The following NAP1L4 variants were observed in gnomAD, a reference collection of about 807,000 sequenced individuals.
NAP1L4 encodes nucleosome assembly protein 1 like 4.
NAP1L4 carries 15 observed loss-of-function variants against 58.2 expected under a neutral mutation model. That is an observed-to-expected ratio of 0.26 (90% CI 0.17 to 0.40). The LOEUF (loss-of-function observed/expected upper bound fraction) is 0.40. Among genes scored for constraint, NAP1L4 ranks in the 10% least tolerant of loss-of-function variants. The pLI is 1.00. For synonymous variants in NAP1L4, 171 were observed against 155.6 expected, an observed-to-expected ratio of 1.10 and a Z score of -0.74; for missense variants, 384 against 451.1, an observed-to-expected ratio of 0.85 and a Z score of 1.35.
intron 1 of NAP1L4, among the ~76,000 whole-genome samples, chr11:2,979,440 C>T (rs946920649): frequency 6.6e-6 from 1 of 152,184 alleles, no homozygotes; most frequent in Admixed American, 6.5e-5. Flanking sequence ...CTATACACTT[C>T]AGATCTGTGC....
Position 2,951,304 on chromosome 11 carries a change from A to T in NAP1L4, c.1077T>A (p.Gly359=), listed in dbSNP as rs1192745307. 6.2e-7 allele frequency: 1 copy of T among 1,613,958 alleles called. No individual in the cohort carries two copies. The highest frequency in any genetic ancestry group is 1.1e-5 in the South Asian group (1 of 91,064). Reference sequence around the variant, plus strand: ...CATCCTCGTCTTCTCCCTCCTCGTCACCTTCTAATTCCTGTATTTAAAAAG... The same window carrying T: ...CATCCTCGTCTTCTCCCTCCTCGTCTCCTTCTAATTCCTGTATTTAAAAAG... ...GEEGEEEELE[G]DEEGEDEDDA... The change falls in exon 14 of 16, where the codon GGT becomes GGA. Residue 359 remains glycine, a synonymous_variant. Coordinates refer to ENST00000380542, the MANE Select transcript of NAP1L4 (RefSeq NM_005969.4). The surrounding 1 kb of genome is among the most constrained non-coding windows in gnomAD (Gnocchi z 4.0).
chr11:2,954,849 A>C lies in NAP1L4; in HGVS notation c.916-203T>G. On this transcript the variant is annotated intron_variant, in intron 11 of 15. Coordinates refer to ENST00000380542, the MANE Select transcript of NAP1L4 (RefSeq NM_005969.4). The surrounding 1 kb of genome is among the most constrained non-coding windows in gnomAD (Gnocchi z 4.8). ...AGCTTTAAAGAGCTACTGAAGCAAAATGGCAGAGAAAGTGGGAAGTGAGGG... is the reference window on the plus strand; with the variant it reads ...AGCTTTAAAGAGCTACTGAAGCAAACTGGCAGAGAAAGTGGGAAGTGAGGG... The C allele has an allele frequency of 3.2e-6, 2 of 623,488 alleles. No homozygotes were observed. Among genetic ancestry groups the C allele is most frequent in the Non-Finnish European group, 5.6e-6 (2 of 359,868 alleles). The allele number at this position is 623,488 out of a possible 1,614,324, so 38.6% of individuals were successfully genotyped here.
chr11:2,960,775 T>C (rs1029979245), intron 8 of NAP1L4, among the ~76,000 whole-genome samples: 2 of 152,172 alleles, frequency 1.3e-5, no homozygotes, highest in Non-Finnish European at 2.9e-5. Context: ...TTGAGAAAAA[T>C]ACCTGGATGG....
intron 4 of NAP1L4, among the ~76,000 whole-genome samples, chr11:2,973,601 C>T (rs1847772680): frequency 6.6e-6 from 1 of 152,154 alleles, no homozygotes; most frequent in African/African-American, 2.4e-5. Flanking sequence ...TGAAATACAA[C>T]CACAGCTACC....
chr11:2,980,677 C>T (rs1054927487), intron 1 of NAP1L4, among the ~76,000 whole-genome samples: 2 of 152,100 alleles, frequency 1.3e-5, no homozygotes, highest in Non-Finnish European at 2.9e-5. Context: ...TTCTTCAGTA[C>T]CTGAGCAAAG....
intron 7 of NAP1L4, among the ~76,000 whole-genome samples, chr11:2,968,944 G>C (rs1281099117): frequency 6.6e-6 from 1 of 150,958 alleles, no homozygotes. Context: ...AAATGTCAAG[G>C]CAAGACAAAA....
At chr11:2,961,363 C>A (rs781306010) in intron 8 of NAP1L4, among the ~76,000 whole-genome samples, 1 of 151,974 alleles carries the variant, frequency 6.6e-6, no homozygotes, top group Non-Finnish European at 1.5e-5. Context: ...GCAAAGGAAG[C>A]GGGTAGGGCA....
At position 2,959,687 on chromosome 11, in the gene NAP1L4, C is replaced by G; in HGVS notation, c.746+83G>C. 6.6e-7 allele frequency: 1 copy of G among 1,517,130 alleles called. No homozygotes were observed. The highest frequency in any genetic ancestry group is 9.0e-7 in the Non-Finnish European group (1 of 1,106,628). 94.0% of individuals were successfully genotyped at this position (1,517,130 alleles called of 1,614,324 possible). ...GCAGACTCAAGACTGTACTTTATTC[C>G]TTACTTCTATCTTACCCATCAAGTT... On this transcript the variant is annotated intron_variant, in intron 9 of 15. Transcript: ENST00000380542. The surrounding 1 kb of genome is among the most constrained non-coding windows in gnomAD (Gnocchi z 4.9).
intron 4 of NAP1L4, among the ~76,000 whole-genome samples, chr11:2,975,111 G>C (rs986676597): frequency 6.7e-6 from 1 of 149,892 alleles, no homozygotes; most frequent in African/African-American, 2.5e-5. Context: ...ACCAAGCCCT[G>C]ACCCAATTAT....
At chr11:2,978,684 T>C (rs1848118469) in intron 2 of NAP1L4, among the ~76,000 whole-genome samples, 1 of 152,196 alleles carries the variant, frequency 6.6e-6, no homozygotes, top group Non-Finnish European at 1.5e-5. Flanking sequence ...AACGAACATG[T>C]TACTGTTTGG....
At chr11:2,953,871 A>G (rs1846372660) in intron 12 of NAP1L4, among the ~76,000 whole-genome samples, 1 of 152,208 alleles carries the variant, frequency 6.6e-6, no homozygotes. Context: ...TCTAGAACAT[A>G]CTTCCAGTAA....
chr11:2,992,010 G>C (rs902729737), intron 1 of NAP1L4: 2 of 152,178 alleles, frequency 1.3e-5, no homozygotes, highest in African/African-American at 4.8e-5. Context: ...AGGCGCGCCG[G>C]GAGTTGGGAG....
At position 2,954,688 on chromosome 11, in the gene NAP1L4, TA is replaced by T. The variant is rs758030180; in HGVS notation, c.916-43del. On this transcript the variant is annotated intron_variant, in intron 11 of 15. Coordinates refer to ENST00000380542, the MANE Select transcript of NAP1L4 (RefSeq NM_005969.4). The surrounding 1 kb of genome is among the most constrained non-coding windows in gnomAD (Gnocchi z 4.8). Reference sequence around the variant, plus strand: ...TACGTGTTAACTCATTTTAATGGGATAAAAACATTCACTTCACCACCCTCAG... The same window carrying T: ...TACGTGTTAACTCATTTTAATGGGATAAAACATTCACTTCACCACCCTCAG... 1.2e-6 allele frequency: 2 copies of T among 1,613,596 alleles called. No individual in the cohort carries two copies. Among genetic ancestry groups the T allele is most frequent in the Middle Eastern group, 1.7e-4 (1 of 6,058 alleles).
chr11:2,967,518 G>A (rs901136037), intron 7 of NAP1L4, among the ~76,000 whole-genome samples: 3 of 151,682 alleles, frequency 2.0e-5, no homozygotes, highest in Non-Finnish European at 4.4e-5. Flanking sequence ...GGCTGAGGCA[G>A]GAGAATGGCG....
intron 6 of NAP1L4, among the ~76,000 whole-genome samples, chr11:2,970,169 G>A (rs770764049): frequency 6.6e-5 from 10 of 152,114 alleles, no homozygotes; most frequent in Non-Finnish European, 1.5e-4. Flanking sequence ...CATCAAAGGC[G>A]AAGAAACTAA....
At position 2,948,909 on chromosome 11, in the gene NAP1L4, C is replaced by G. The variant is rs972819414; in HGVS notation, c.*32+318G>C. Among the ~76,000 whole-genome samples, 16 of 152,170 alleles carry G rather than the reference C, an allele frequency of 1.1e-4. No homozygotes were observed. Among genetic ancestry groups the G allele is most frequent in the African/African-American group, 3.9e-4 (16 of 41,426 alleles). On this transcript the variant is annotated intron_variant, in intron 15 of 15. Coordinates refer to ENST00000380542, the MANE Select transcript of NAP1L4 (RefSeq NM_005969.4). This position sits in a 1 kb window ranked among gnomAD's most constrained non-coding sequence, Gnocchi z 5.1. Reference sequence around the variant, plus strand: ...GCAAGGACTGCTTGCTTATGGTGGCCCGTGTGTGCCACCGTGCAGACTGCT... The same window carrying G: ...GCAAGGACTGCTTGCTTATGGTGGCGCGTGTGTGCCACCGTGCAGACTGCT...
chr11:2,974,066 C>T (rs1422172002), intron 4 of NAP1L4, among the ~76,000 whole-genome samples: 2 of 152,166 alleles, frequency 1.3e-5, no homozygotes, highest in African/African-American at 2.4e-5. Context: ...CCATGCCTGG[C>T]TAATTATACA....
chr11:2,959,361 C>T lies in NAP1L4; in HGVS notation c.746+409G>A, dbSNP rs908132502. ...AGTCAAACAACAGCTATGCTGCCCC[C>T]ACCTATTTCCAAAGCAATCAGCTGA... On this transcript the variant is annotated intron_variant, in intron 9 of 15. Coordinates refer to ENST00000380542, the MANE Select transcript of NAP1L4 (RefSeq NM_005969.4). This position sits in a 1 kb window ranked among gnomAD's most constrained non-coding sequence, Gnocchi z 4.9. Among the ~76,000 whole-genome samples, 1 of 152,208 alleles carries T rather than the reference C, an allele frequency of 6.6e-6. No individual in the cohort carries two copies. The highest frequency in any genetic ancestry group is 1.5e-5 in the Non-Finnish European group (1 of 68,042).
intron 10 of NAP1L4, among the ~76,000 whole-genome samples, chr11:2,957,636 A>G (rs1284973513): frequency 6.6e-6 from 1 of 152,258 alleles, no homozygotes; most frequent in Non-Finnish European, 1.5e-5. Context: ...TCTCGCGATT[A>G]GGAAATTATA....
Sources: allele counts gnomAD v4.1 joint callset (sites outside exome capture counted in the v4.1 genomes callset), GRCh38; gene constraint gnomAD v4.1.1; non-coding constraint Gnocchi (gnomAD v3.1); transcripts MANE v1.5; gene names NCBI Gene and HGNC (gene_info 2026-07-23, HGNC 2026-07-21).